ZNF804B: variants seen among roughly 807,000 people sequenced by gnomAD.
ZNF804B encodes the protein zinc finger 804B.
A neutral mutation model predicts 101.4 loss-of-function variants in ZNF804B; 80 were observed. The ratio of observed to expected loss-of-function variants is 0.79; its 90% CI spans 0.66 to 0.95. The LOEUF is 0.95. Among genes scored for constraint, ZNF804B ranks in the 40% least tolerant of loss-of-function variants. ZNF804B has a pLI of 0.00. For synonymous variants in ZNF804B, 622 were observed against 558.8 expected (o/e 1.11, Z -1.59); for missense variants, 1,673 against 1,561.9 (o/e 1.07, Z -1.20).
At chr7:88,978,024 G>A (rs1793640901) in intron 1 of ZNF804B, among the ~76,000 whole-genome samples, 1 of 151,666 alleles carries the variant, frequency 6.6e-6, no homozygotes, top group African/African-American at 2.4e-5. Context: ...TAATTTTCAT[G>A]TGTTTGTGTA....
intron 2 of ZNF804B, among the ~76,000 whole-genome samples, chr7:89,291,905 A>G (rs1790297501): frequency 6.6e-6 from 1 of 152,266 alleles, no homozygotes; most frequent in South Asian, 2.1e-4. Context: ...AACAAGTAAC[A>G]TACAATGGAG....
intron 1 of ZNF804B, among the ~76,000 whole-genome samples, chr7:88,949,458 T>G (rs1793185216): frequency 6.6e-6 from 1 of 151,914 alleles, no homozygotes; most frequent in South Asian, 2.1e-4. Flanking sequence ...TCATTTACAT[T>G]CTAGAATTGG....
chr7:89,303,073 C>T (rs10240045), intron 2 of ZNF804B, among the ~76,000 whole-genome samples: 38,858 of 151,610 alleles, frequency 0.26, 5,047 homozygotes, highest in Admixed American at 0.29. Context: ...AGTATCAAAA[C>T]TGGCTTTACA....
chr7:89,265,463 C>T (rs922853178), intron 2 of ZNF804B, among the ~76,000 whole-genome samples: 5 of 152,130 alleles, frequency 3.3e-5, no homozygotes, highest in Non-Finnish European at 7.4e-5. Context: ...ATTTAATTTG[C>T]ATAGAGGGAA....
chr7:88,793,515 T>C (rs1432315590), intron 1 of ZNF804B, among the ~76,000 whole-genome samples: 1 of 152,106 alleles, frequency 6.6e-6, no homozygotes, highest in Non-Finnish European at 1.5e-5. Context: ...GCTATTGTTT[T>C]CTGTAGCTTT....
At chr7:89,011,421 C>G (rs1788460658) in intron 1 of ZNF804B, among the ~76,000 whole-genome samples, 2 of 152,124 alleles carry the variant, frequency 1.3e-5, no homozygotes, top group Admixed American at 1.3e-4. Flanking sequence ...AAAGTCTTAA[C>G]TTATTCCAGC....
intron 1 of ZNF804B, among the ~76,000 whole-genome samples, chr7:89,131,402 C>A (rs1236717773): frequency 6.6e-6 from 1 of 151,866 alleles, no homozygotes; most frequent in Non-Finnish European, 1.5e-5. Flanking sequence ...ATATTGCCAG[C>A]CTTCATAGGC....
intron 1 of ZNF804B, among the ~76,000 whole-genome samples, chr7:89,196,804 A>G (rs372494438): frequency 6.6e-6 from 1 of 152,126 alleles, no homozygotes; most frequent in Non-Finnish European, 1.5e-5. Flanking sequence ...AAAAATGGGC[A>G]AAGGACATGA....
intron 1 of ZNF804B, among the ~76,000 whole-genome samples, chr7:89,099,651 G>C (rs564539923): frequency 8.7e-4 from 133 of 152,252 alleles, no homozygotes; most frequent in Admixed American, 4.2e-3. Context: ...ACAATTTGGG[G>C]GTTTTTAGAG....
intron 1 of ZNF804B, among the ~76,000 whole-genome samples, chr7:89,135,705 T>G (rs1413138679): frequency 1.3e-5 from 2 of 152,074 alleles, no homozygotes; most frequent in African/African-American, 4.8e-5. Flanking sequence ...TCATTTTACT[T>G]TCACAGTCAG....
chr7:88,984,853 T>C lies in ZNF804B; in HGVS notation c.108+224769T>C, dbSNP rs369529729. On this transcript the variant is annotated intron_variant, in intron 1 of 3. Coordinates refer to ENST00000333190, the MANE Select transcript of ZNF804B (RefSeq NM_181646.5). ...AATATCCCTGATTCAATGGTAATCT[T>C]GAGGACACAGATTGTATATTTTTTT... Among the ~76,000 whole-genome samples, 4 of 152,170 alleles carry C rather than the reference T, an allele frequency of 2.6e-5. No individual in the cohort carries two copies. The East Asian group carries it at 7.8e-4, about 30-fold the overall frequency.
chr7:89,075,461 A>G (rs1008703967), intron 1 of ZNF804B, among the ~76,000 whole-genome samples: 13 of 152,150 alleles, frequency 8.5e-5, no homozygotes, highest in Non-Finnish European at 1.9e-4. Flanking sequence ...GGCAGCTTCC[A>G]TGTGGTGTTG....
intron 1 of ZNF804B, among the ~76,000 whole-genome samples, chr7:88,791,219 T>A (rs1790377827): frequency 6.6e-6 from 1 of 152,116 alleles, no homozygotes; most frequent in Non-Finnish European, 1.5e-5. Flanking sequence ...TTTATTCAAC[T>A]GCCAAAGGGT....
chr7:88,848,174 T>C (rs962084597), intron 1 of ZNF804B, among the ~76,000 whole-genome samples: 2 of 152,096 alleles, frequency 1.3e-5, no homozygotes, highest in African/African-American at 4.8e-5. Context: ...CAGGACATCC[T>C]CCACAGCAAA....
At chr7:89,036,348 T>G (rs1454951264) in intron 1 of ZNF804B, among the ~76,000 whole-genome samples, 1 of 151,774 alleles carries the variant, frequency 6.6e-6, no homozygotes, top group Non-Finnish European at 1.5e-5. Context: ...AACACTGATG[T>G]GCACAGACAA....
intron 1 of ZNF804B, among the ~76,000 whole-genome samples, chr7:88,832,890 A>C (rs1791154142): frequency 6.6e-6 from 1 of 151,974 alleles, no homozygotes; most frequent in Non-Finnish European, 1.5e-5. Flanking sequence ...CCACATTGAA[A>C]AAAGCATAGT....
chr7:89,239,006 G>A (rs1044937142), intron 2 of ZNF804B, among the ~76,000 whole-genome samples: 2 of 152,050 alleles, frequency 1.3e-5, no homozygotes, highest in East Asian at 3.9e-4. Flanking sequence ...TTGTCTTCTG[G>A]TGCCACACAC....
intron 1 of ZNF804B, among the ~76,000 whole-genome samples, chr7:89,038,379 C>T (rs1311998321): frequency 6.6e-6 from 1 of 152,072 alleles, no homozygotes; most frequent in East Asian, 1.9e-4. Context: ...GGTGATATCT[C>T]ATTGTGGTTT....
intron 1 of ZNF804B, among the ~76,000 whole-genome samples, chr7:89,050,016 C>G (rs1789170541): frequency 6.6e-6 from 1 of 151,926 alleles, no homozygotes; most frequent in African/African-American, 2.4e-5. Context: ...TGTCTCAAAA[C>G]AAAAACGAAA....
Sources: gnomAD v4.1 joint callset for allele counts (sites outside exome capture counted in the v4.1 genomes callset) on GRCh38, gnomAD v4.1.1 for gene constraint, MANE v1.5 for transcripts, NCBI Gene and HGNC (gene_info 2026-07-23, HGNC 2026-07-21) for gene names.